Variants in UTRN observed in about 807,000 individuals in gnomAD.
UTRN encodes utrophin.
In UTRN, 283 loss-of-function variants were observed where a neutral mutation model predicts 463.9. That is an observed-to-expected ratio of 0.61 (90% CI 0.55 to 0.67). The LOEUF is 0.67. UTRN is among the 30% of genes least tolerant of loss of function. The pLI is 0.00. For synonymous variants in UTRN, 1,442 were observed against 1,431.5 expected (o/e 1.01, Z -0.17); for missense variants, 3,922 against 4,084.3 (o/e 0.96, Z 1.08).
At chr6:144,707,670 C>A (rs2128701888) in intron 53 of UTRN, among the ~76,000 whole-genome samples, 1 of 152,324 alleles carries the variant, frequency 6.6e-6, no homozygotes, top group East Asian at 1.9e-4. Flanking sequence ...ACCTGATGGG[C>A]TTGTTAAGCC....
At chr6:144,520,521 T>G (rs1795995374) in intron 39 of UTRN, among the ~76,000 whole-genome samples, 1 of 152,166 alleles carries the variant, frequency 6.6e-6, no homozygotes, top group Admixed American at 6.5e-5. Flanking sequence ...TGGAGACAAG[T>G]GTAATTAGTT....
intron 2 of UTRN, among the ~76,000 whole-genome samples, chr6:144,301,536 CTTTTTTTTTTTTTTT>C (rs200484231): frequency 2.3e-4 from 21 of 92,764 alleles, no homozygotes; most frequent in Non-Finnish European, 4.1e-4. Flanking sequence ...TTCTTTCTTT[CTTTTTTTTTTTTTTT>C]TTTTTTTTTT....
intron 53 of UTRN, among the ~76,000 whole-genome samples, chr6:144,717,617 T>TTTTTC (rs1219862063): frequency 1.3e-5 from 2 of 149,052 alleles, no homozygotes; most frequent in African/African-American, 2.5e-5. Context: ...TTTCTTTTTC[T>TTTTTC]TTTTCTTTTC....
At chr6:144,670,169 G>T (rs1780857968) in intron 51 of UTRN, among the ~76,000 whole-genome samples, 1 of 152,052 alleles carries the variant, frequency 6.6e-6, no homozygotes, top group Non-Finnish European at 1.5e-5. Flanking sequence ...TGGATCAAAT[G>T]GTAGTTCTAT....
intron 45 of UTRN, among the ~76,000 whole-genome samples, chr6:144,541,275 C>G (rs755029449): frequency 1.3e-4 from 20 of 152,098 alleles, no homozygotes; most frequent in Non-Finnish European, 2.8e-4. Context: ...TGCTCTCTCT[C>G]CCCTACACTC....
At chr6:144,738,013 C>T (rs1429864852) in intron 54 of UTRN, among the ~76,000 whole-genome samples, 1 of 152,012 alleles carries the variant, frequency 6.6e-6, no homozygotes, top group Non-Finnish European at 1.5e-5. Flanking sequence ...AACACAAAGG[C>T]CAAGAAGATA....
chr6:144,579,876 C>T (rs1801797492), intron 51 of UTRN, among the ~76,000 whole-genome samples: 1 of 152,094 alleles, frequency 6.6e-6, no homozygotes, highest in Non-Finnish European at 1.5e-5. Flanking sequence ...GAATGTTTCA[C>T]ATTACGGTAA....
intron 51 of UTRN, among the ~76,000 whole-genome samples, chr6:144,674,773 G>A (rs1048491121): frequency 1.3e-5 from 2 of 152,234 alleles, no homozygotes; most frequent in African/African-American, 4.8e-5. Context: ...TGCCCAGGCA[G>A]GTCTCAAACT....
intron 51 of UTRN, among the ~76,000 whole-genome samples, chr6:144,593,732 C>T (rs1422339452): frequency 6.6e-6 from 1 of 152,062 alleles, no homozygotes; most frequent in Non-Finnish European, 1.5e-5. Context: ...GGGTACTTGT[C>T]CATCATAAAT....
At chr6:144,523,308 C>T (rs962137583) in intron 41 of UTRN, 120 bp downstream of exon 41, 33 of 823,028 alleles carry the variant, frequency 4.0e-5, no homozygotes, top group Non-Finnish European at 5.2e-5. Context: ...GTAGGATGCC[C>T]TATTATTTTT....
chr6:144,288,939 T>A (rs1803950747), intron 1 of UTRN, among the ~76,000 whole-genome samples: 1 of 152,130 alleles, frequency 6.6e-6, no homozygotes. Context: ...AATTTTTATA[T>A]TTTTAGTAGA....
Position 144,470,294 on chromosome 6 carries a change from C to T in UTRN, c.3067-3426C>T, listed in dbSNP as rs6911214. 7.5e-3 allele frequency among the ~76,000 whole-genome samples: 1,107 copies of T among 148,302 alleles called. 18 individuals carry two copies. Among genetic ancestry groups the T allele is most frequent in the African/African-American group, 0.026 (1,030 of 40,360 alleles). On this transcript the variant is annotated intron_variant, in intron 23 of 74. Transcript: ENST00000367545. ...TGGGGTGGCCGGGCAGAGGCGCCCC[C>T]CACCTCCCAGACGGGGCGGCTGCCG...
chr6:144,578,248 C>T (rs1801634589), intron 51 of UTRN, among the ~76,000 whole-genome samples: 1 of 152,170 alleles, frequency 6.6e-6, no homozygotes, highest in African/African-American at 2.4e-5. Context: ...GGGAAGTCTC[C>T]TTGTCAACCA....
intron 54 of UTRN, among the ~76,000 whole-genome samples, chr6:144,735,815 T>G (rs1435272462): frequency 2.0e-5 from 3 of 152,128 alleles, no homozygotes; most frequent in Admixed American, 2.0e-4. Flanking sequence ...AAAAAAAAGT[T>G]TCATGAACAT....
intron 2 of UTRN, among the ~76,000 whole-genome samples, chr6:144,307,063 G>GA (rs370017840): frequency 6.3e-4 from 89 of 141,236 alleles, no homozygotes; most frequent in Admixed American, 8.5e-4. Context: ...TGACTCTGTT[G>GA]AAAAAAAAAA....
chr6:144,436,789 T>G (rs1786583294), intron 10 of UTRN, among the ~76,000 whole-genome samples: 1 of 144,240 alleles, frequency 6.9e-6, no homozygotes, highest in African/African-American at 2.5e-5. Flanking sequence ...AATAAATATA[T>G]ATTTATATAT....
chr6:144,370,592 A>G (rs779085111), intron 2 of UTRN, among the ~76,000 whole-genome samples: 3 of 152,144 alleles, frequency 2.0e-5, no homozygotes, highest in Admixed American at 6.6e-5. Context: ...CAGAATTCCC[A>G]CTGGGGAACT....
At chr6:144,790,614 T>C (rs994558375) in intron 62 of UTRN, among the ~76,000 whole-genome samples, 1 of 152,232 alleles carries the variant, frequency 6.6e-6, no homozygotes, top group Non-Finnish European at 1.5e-5. Flanking sequence ...TAGTTAGCCA[T>C]GCAGAAGAAA....
intron 64 of UTRN, chr6:144,799,562 C>A: frequency 2.2e-6 from 1 of 463,958 alleles, no homozygotes; most frequent in South Asian, 1.6e-5. Flanking sequence ...GAGGGAATAG[C>A]TGGAATGTGG....
Sources: gnomAD v4.1 joint callset for allele counts (sites outside exome capture counted in the v4.1 genomes callset) on GRCh38, gnomAD v4.1.1 for gene constraint, MANE v1.5 for transcripts, NCBI Gene and HGNC (gene_info 2026-07-23, HGNC 2026-07-21) for gene names.